TRAK1: variants seen among roughly 807,000 people sequenced by gnomAD.
TRAK1 encodes the protein trafficking kinesin protein 1, also known as trafficking kinesin-binding protein 1.
A neutral mutation model predicts 92.1 loss-of-function variants in TRAK1; 33 were observed. The observed-to-expected ratio is 0.36, with a 90% confidence interval of 0.27 to 0.48. The LOEUF is 0.48. TRAK1 is among the 20% of genes least tolerant of loss of function. The pLI is 0.99. For synonymous variants in TRAK1, 521 were observed against 517.3 expected (o/e 1.01, Z -0.10); for missense variants, 1,123 against 1,257.9 (o/e 0.89, Z 1.62).
intron 1 of TRAK1, among the ~76,000 whole-genome samples, chr3:42,092,681 T>TGTTTTGTTGTGTTGTGTTG (rs1705229393): frequency 7.6e-6 from 1 of 131,324 alleles, no homozygotes; most frequent in African/African-American, 3.2e-5. Flanking sequence ...TCCTTTTATT[T>TGTTTTGTTGTGTTGTGTTG]TGTTGTGTTG....
intron 1 of TRAK1, among the ~76,000 whole-genome samples, chr3:42,073,213 T>C (rs377219194): frequency 6.6e-6 from 1 of 152,212 alleles, no homozygotes; most frequent in African/African-American, 2.4e-5. Flanking sequence ...CACAAGAGGC[T>C]CTGGCAGTTG....
At chr3:42,169,166 TATC>T (rs1024157712) in intron 2 of TRAK1, among the ~76,000 whole-genome samples, 3 of 149,592 alleles carry the variant, frequency 2.0e-5, no homozygotes, top group African/African-American at 7.6e-5. Context: ...TTAAGTGATC[TATC>T]TATCTCTATA....
chr3:42,114,070 G>A (rs1277323955), intron 1 of TRAK1, among the ~76,000 whole-genome samples: 1 of 152,094 alleles, frequency 6.6e-6, no homozygotes, highest in African/African-American at 2.4e-5. Context: ...TCATATGAAT[G>A]GAATCATTCA....
chr3:42,199,534 C>T (rs1473483465), intron 11 of TRAK1, among the ~76,000 whole-genome samples: 1 of 152,214 alleles, frequency 6.6e-6, no homozygotes, highest in East Asian at 1.9e-4. Context: ...TAGCTCACTG[C>T]AGCCTCGAAC....
At chr3:42,037,881 C>T (rs1004450961) in intron 1 of TRAK1, among the ~76,000 whole-genome samples, 2 of 152,206 alleles carry the variant, frequency 1.3e-5, no homozygotes, top group Non-Finnish European at 1.5e-5. Flanking sequence ...TCCATCCTTC[C>T]AGTGACCCCG....
At chr3:42,089,579 C>T (rs1704878518), upstream of TRAK1, among the ~76,000 whole-genome samples, 1 of 152,108 alleles carries the variant, frequency 6.6e-6, no homozygotes, top group Admixed American at 6.5e-5. Context: ...TCACCAGGCA[C>T]ATCCAGCCTC....
At chr3:42,134,178 T>TCTTCCC (rs1234770401) in intron 2 of TRAK1, among the ~76,000 whole-genome samples, 1 of 105,366 alleles carries the variant, frequency 9.5e-6, no homozygotes, top group Non-Finnish European at 1.9e-5. Context: ...TTCCCCTTCC[T>TCTTCCC]CTTCCCCTTC....
intron 2 of TRAK1, among the ~76,000 whole-genome samples, chr3:42,138,524 A>G (rs1698237154): frequency 6.6e-6 from 1 of 152,184 alleles, no homozygotes; most frequent in African/African-American, 2.4e-5. Context: ...TAGAATAACA[A>G]GATCGTTTTA....
At chr3:42,081,467 G>C in intron 1 of TRAK1, among the ~76,000 whole-genome samples, 1 of 152,206 alleles carries the variant, frequency 6.6e-6, no homozygotes. Flanking sequence ...TTATTCTACA[G>C]ACATTTACTT....
chr3:42,162,552 G>C (rs1701391278), intron 2 of TRAK1, among the ~76,000 whole-genome samples: 1 of 152,128 alleles, frequency 6.6e-6, no homozygotes. Flanking sequence ...GAAGGTGGGG[G>C]AAGAGGATAG....
intron 15 of TRAK1, chr3:42,222,020 C>T (rs1429196994): frequency 1.3e-5 from 2 of 149,758 alleles, no homozygotes; most frequent in African/African-American, 2.4e-5. Flanking sequence ...AAAAAAGAAC[C>T]TTTCCTGCTT....
intron 6 of TRAK1, among the ~76,000 whole-genome samples, chr3:42,191,133 T>C (rs1705665134): frequency 1.3e-5 from 2 of 152,062 alleles, no homozygotes; most frequent in South Asian, 4.2e-4. Flanking sequence ...ACATAGTAAG[T>C]GTTAGCCATT....
chr3:42,056,030 T>C (rs1703192956), intron 1 of TRAK1, among the ~76,000 whole-genome samples: 1 of 152,272 alleles, frequency 6.6e-6, no homozygotes, highest in African/African-American at 2.4e-5. Flanking sequence ...TTATTATTGC[T>C]GTATAATATT....
chr3:42,171,383 C>G (rs1242691400), intron 2 of TRAK1, among the ~76,000 whole-genome samples: 1 of 152,156 alleles, frequency 6.6e-6, no homozygotes, highest in Admixed American at 6.5e-5. Context: ...GGTTTTCTAA[C>G]TATATTTTCT....
At chr3:42,047,998 A>C (rs1285890633) in intron 1 of TRAK1, among the ~76,000 whole-genome samples, 3 of 150,502 alleles carry the variant, frequency 2.0e-5, no homozygotes, top group African/African-American at 4.9e-5. Flanking sequence ...ATTATAAGAT[A>C]AATCCTTCTA....
At chr3:42,038,484 T>G (rs978570872) in intron 1 of TRAK1, among the ~76,000 whole-genome samples, 15 of 152,154 alleles carry the variant, frequency 9.9e-5, no homozygotes, top group Non-Finnish European at 2.1e-4. Context: ...GGCCGGTTAT[T>G]TTTAAAAATT....
intron 1 of TRAK1, among the ~76,000 whole-genome samples, chr3:42,123,515 T>C (rs1210530098): frequency 6.6e-6 from 1 of 152,268 alleles, no homozygotes; most frequent in African/African-American, 2.4e-5. Context: ...CTACTCCCAC[T>C]GACTGCACCA....
At chr3:42,152,308 G>A (rs544002645) in intron 2 of TRAK1, among the ~76,000 whole-genome samples, 4 of 152,262 alleles carry the variant, frequency 2.6e-5, no homozygotes, top group African/African-American at 7.2e-5. Context: ...TAACTTTTAC[G>A]AGAGATTTGA....
chr3:42,019,545 AGCATGAGCCACT>A (rs1701656684), intron 1 of TRAK1, among the ~76,000 whole-genome samples: 2 of 152,172 alleles, frequency 1.3e-5, no homozygotes, highest in Non-Finnish European at 2.9e-5. Context: ...TGGGATTACA[AGCATGAGCCACT>A]GTACCTGGCC....
Sources: allele counts gnomAD v4.1 joint callset (sites outside exome capture counted in the v4.1 genomes callset), GRCh38; gene constraint gnomAD v4.1.1; transcripts MANE v1.5; gene names NCBI Gene and HGNC (gene_info 2026-07-23, HGNC 2026-07-21).